Variants in SUCO observed in about 807,000 individuals in gnomAD.
The protein encoded by SUCO is SUN domain containing ossification factor.
SUCO carries 57 observed loss-of-function variants against 148.1 expected under a neutral mutation model. The observed-to-expected ratio is 0.38, with a 90% confidence interval of 0.31 to 0.48. The LOEUF is 0.48. SUCO is among the 20% of genes least tolerant of loss of function. The probability of loss-of-function intolerance (pLI) is 0.96; values close to 1 mark genes in which losing one functional copy is unlikely to be tolerated. For synonymous variants in SUCO, 470 were observed against 502.7 expected (o/e 0.93, Z 0.87); for missense variants, 1,331 against 1,468.2 (o/e 0.91, Z 1.53).
At chr1:172,585,297 T>G (rs145968924) in intron 16 of SUCO, 1 of 284,810 alleles carries the variant, frequency 3.5e-6, no homozygotes, top group Admixed American at 6.5e-5. Context: ...ATAAAACTTA[T>G]GAATTTGCCT....
At chr1:172,573,408 C>T (rs1655190265) in intron 9 of SUCO, among the ~76,000 whole-genome samples, 1 of 152,084 alleles carries the variant, frequency 6.6e-6, no homozygotes, top group South Asian at 2.1e-4. Flanking sequence ...GATTTCCCCC[C>T]CTGCCCTTAT....
intron 22 of SUCO, among the ~76,000 whole-genome samples, chr1:172,603,380 ATAAC>A (rs1437607759): frequency 1.3e-5 from 2 of 152,100 alleles, no homozygotes; most frequent in East Asian, 1.9e-4. Context: ...TAATATTAAA[ATAAC>A]TAAATTAATT....
chr1:172,558,050 C>T (rs1276271363), intron 6 of SUCO, among the ~76,000 whole-genome samples: 2 of 152,164 alleles, frequency 1.3e-5, no homozygotes, highest in Admixed American at 6.5e-5. Context: ...GTGCCACCCA[C>T]AGCTGTTTGA....
chr1:172,543,874 A>G (rs963596361), intron 1 of SUCO, among the ~76,000 whole-genome samples: 1 of 152,056 alleles, frequency 6.6e-6, no homozygotes, highest in Non-Finnish European at 1.5e-5. Context: ...AAGCAACCTT[A>G]AAAGAGCTCC....
intron 19 of SUCO, 23 bp downstream of exon 19, chr1:172,591,094 T>G (rs1656620527): frequency 6.5e-7 from 1 of 1,550,022 alleles, no homozygotes; most frequent in Non-Finnish European, 8.8e-7. Context: ...ATCCCTTATT[T>G]ACTTTTTATA....
At position 172,610,606 on chromosome 1, in the gene SUCO, C is replaced by G. The variant is rs531934519; in HGVS notation, c.*347C>G. The stretch of plus-strand genomic sequence containing the variant: ...CCTTTAGCTTTGTTCCTATTTCTTG[C>G]ACCTTCCCATATTTATGTGCCTTTT... On this transcript the variant is annotated 3_prime_UTR_variant, in exon 24 of 24. Coordinates refer to ENST00000263688, the MANE Select transcript of SUCO (RefSeq NM_014283.5). The G allele has an allele frequency of 5.7e-6, 1 of 176,586 alleles. No homozygotes were observed. The highest frequency in any genetic ancestry group is 6.1e-5 in the Admixed American group (1 of 16,314). 10.9% of individuals were successfully genotyped at this position (176,586 alleles called of 1,614,324 possible).
At chr1:172,592,654 T>G (rs369777544) in intron 19 of SUCO, among the ~76,000 whole-genome samples, 6 of 152,108 alleles carry the variant, frequency 3.9e-5, no homozygotes, top group African/African-American at 4.8e-5. Flanking sequence ...TTTGGTACCA[T>G]TACCATGCTG....
Position 172,589,296 on chromosome 1 carries a change from C to T in SUCO, c.2195C>T (p.Ser732Phe), listed in dbSNP as rs1388687044. Reference sequence around the variant, plus strand: ...AGCCATTCTCAAACTCTTTCTCAGTCTCTTCTTTTAGATATTACCCCAGAA... The same window carrying T: ...AGCCATTCTCAAACTCTTTCTCAGTTTCTTCTTTTAGATATTACCCCAGAA... ...EPSHSQTLSQ[S>F]LLLDITPEIN... Residue 732 changes from serine (S) to phenylalanine (F), a missense_variant, in exon 18 of 24, where the codon TCT becomes TTT. Around this residue, in one of 3 missense-constraint regions of SUCO, gnomAD observed 992 missense variants for 1,093.5 expected, o/e 0.91. Coordinates refer to ENST00000263688, the MANE Select transcript of SUCO (RefSeq NM_014283.5). 7 of 1,613,436 alleles carry T rather than the reference C, an allele frequency of 4.3e-6. No individual in the cohort carries two copies. Among genetic ancestry groups the T allele is most frequent in the Non-Finnish European group, 5.9e-6 (7 of 1,179,742 alleles).
At chr1:172,563,517 G>T (rs557441883) in intron 6 of SUCO, among the ~76,000 whole-genome samples, 3 of 152,330 alleles carry the variant, frequency 2.0e-5, no homozygotes, top group African/African-American at 7.2e-5. Flanking sequence ...TGAGAGAGAT[G>T]ATTTAGGGTA....
intron 1 of SUCO, among the ~76,000 whole-genome samples, chr1:172,549,439 A>T (rs1016977027): frequency 1.3e-5 from 2 of 151,904 alleles, no homozygotes; most frequent in East Asian, 3.9e-4. Context: ...ATTTTGCTAG[A>T]TTTGATAGTA....
chr1:172,594,623 G>A (rs1174353226), intron 19 of SUCO, among the ~76,000 whole-genome samples: 4 of 152,134 alleles, frequency 2.6e-5, no homozygotes, highest in East Asian at 1.9e-4. Flanking sequence ...GTTCTAATTC[G>A]ATTGCACTGT....
At chr1:172,601,934 C>T in intron 20 of SUCO, 130 bp from the exon 21 acceptor site, 1 of 848,536 alleles carries the variant, frequency 1.2e-6, no homozygotes, top group Admixed American at 3.4e-5. Flanking sequence ...AAGAGCATGC[C>T]CTGCATTTCT....
chr1:172,546,920 A>G (rs546240822), intron 1 of SUCO, among the ~76,000 whole-genome samples: 1 of 152,312 alleles, frequency 6.6e-6, no homozygotes, highest in South Asian at 2.1e-4. Flanking sequence ...AAAATAAATT[A>G]TGTACAGCGA....
Position 172,602,946 on chromosome 1 carries a change from T to A in SUCO, c.3265+159T>A, listed in dbSNP as rs1170202379. 5 of 614,904 alleles carry A rather than the reference T, an allele frequency of 8.1e-6. No homozygotes were observed. The African/African-American group carries it at 9.4e-5, about 12-fold the overall frequency. The allele number at this position is 614,904 out of a possible 1,614,324, so 38.1% of individuals were successfully genotyped here. ...GTCAAGCCACTTTATCATTTTCACA[T>A]TTTATATCTGTCTTTGTTCCTAAAA... On this transcript the variant is annotated intron_variant, in intron 22 of 23. Coordinates refer to ENST00000263688, the MANE Select transcript of SUCO (RefSeq NM_014283.5).
chr1:172,566,688 G>T (rs1236161961), intron 6 of SUCO, among the ~76,000 whole-genome samples: 2 of 152,232 alleles, frequency 1.3e-5, no homozygotes, highest in East Asian at 3.9e-4. Context: ...TTAAGGGGTG[G>T]TTTACGCAGA....
Position 172,610,150 on chromosome 1 carries a change from T to G in SUCO, c.3656T>G (p.Leu1219Arg). ...VQDQGKLIKT[L>R]IQTKSGSLPS... Reference sequence around the variant, plus strand: ...GACCAAGGAAAATTGATAAAAACTCTAATACAGACTAAGTCGGGATCATTG... The same window carrying G: ...GACCAAGGAAAATTGATAAAAACTCGAATACAGACTAAGTCGGGATCATTG... The change falls in exon 24 of 24, where the codon CTA becomes CGA. Residue 1219 changes from leucine (L) to arginine (R), a missense_variant. Physicochemically the swap from Leu to Arg is moderately radical, Grantham distance 102. This residue lies in a region of SUCO where 334 missense variants were observed against 352.3 expected (regional missense o/e 0.95). Transcript: ENST00000263688. 1.1e-5 allele frequency: 18 copies of G among 1,613,674 alleles called. No homozygotes were observed. The highest frequency in any genetic ancestry group is 1.5e-5 in the Non-Finnish European group (18 of 1,179,820).
At chr1:172,576,975 A>G (rs907869617) in intron 11 of SUCO, 42 of 672,000 alleles carry the variant, frequency 6.3e-5, no homozygotes, top group Non-Finnish European at 7.5e-5. Flanking sequence ...ATTGGTATAT[A>G]TCTTCCACTT....
chr1:172,540,255 G>A (rs887176150), intron 1 of SUCO, among the ~76,000 whole-genome samples: 2 of 152,190 alleles, frequency 1.3e-5, no homozygotes, highest in African/African-American at 4.8e-5. Flanking sequence ...CAGTTGGCTG[G>A]TAGATGGTCT....
chr1:172,541,182 T>C (rs1286865376), intron 1 of SUCO, among the ~76,000 whole-genome samples: 1 of 152,152 alleles, frequency 6.6e-6, no homozygotes, highest in Non-Finnish European at 1.5e-5. Flanking sequence ...ATTTACATAG[T>C]GTTAGGTTTT....
Sources: gnomAD v4.1 joint callset for allele counts (sites outside exome capture counted in the v4.1 genomes callset) on GRCh38, gnomAD v4.1.1 for gene constraint, gnomAD v4.1.1 regional missense constraint, MANE v1.5 for transcripts, NCBI Gene and HGNC (gene_info 2026-07-23, HGNC 2026-07-21) for gene names.